The following RIPOR2 variants were observed in gnomAD, a reference collection of about 807,000 sequenced individuals.
RIPOR2 encodes the protein RHO family interacting cell polarization regulator 2.
Under a neutral mutation model 114.5 loss-of-function variants are expected in RIPOR2, and 39 were observed. The observed-to-expected ratio is 0.34, with a 90% CI of 0.26 to 0.44. RIPOR2 has a LOEUF of 0.44. Ranked by LOEUF, RIPOR2 falls within the 20% of genes least tolerant of loss-of-function variation. The pLI, the probability that RIPOR2 is intolerant of heterozygous loss-of-function variation, is 1.00. For missense variants in RIPOR2, 1,007 were observed against 1,255.1 expected, an observed-to-expected ratio of 0.80 and a Z score of 2.99; for synonymous variants, 445 against 484.4, an observed-to-expected ratio of 0.92 and a Z score of 1.07.
chr6:24,916,749 C>T (rs1193772829), intron 1 of RIPOR2, among the ~76,000 whole-genome samples: 1 of 152,210 alleles, frequency 6.6e-6, no homozygotes, highest in Non-Finnish European at 1.5e-5. Context: ...AGGCTATTTC[C>T]TTGCCATTGT....
intron 1 of RIPOR2, among the ~76,000 whole-genome samples, chr6:24,953,605 G>A (rs1772886054): frequency 6.6e-6 from 1 of 152,166 alleles, no homozygotes; most frequent in African/African-American, 2.4e-5. Flanking sequence ...GAAGCAAGAA[G>A]GTCGCTCTCA....
intron 19 of RIPOR2, among the ~76,000 whole-genome samples, chr6:24,821,346 C>T (rs2113650740): frequency 2.0e-5 from 3 of 151,942 alleles, no homozygotes. Flanking sequence ...CCATGCCCAG[C>T]TAATTTTTTG....
intron 13 of RIPOR2, 68 bp from the exon 14 acceptor site, chr6:24,839,340 T>G: frequency 6.8e-7 from 1 of 1,470,922 alleles, no homozygotes. Flanking sequence ...CACACGATGC[T>G]CAATTGGAGA....
chr6:25,016,619 G>C (rs1277841204), intron 1 of RIPOR2, among the ~76,000 whole-genome samples: 1 of 152,210 alleles, frequency 6.6e-6, no homozygotes, highest in Non-Finnish European at 1.5e-5. Flanking sequence ...AGTAACTAGA[G>C]ATGGAGTTAG....
At chr6:24,846,300 C>CTTTTTTTTTTTTTTT (rs1562253042) in intron 12 of RIPOR2, among the ~76,000 whole-genome samples, 1 of 111,320 alleles carries the variant, frequency 9.0e-6, no homozygotes. Context: ...TTTTCACCTG[C>CTTTTTTTTTTTTTTT]CTTTTTTTTT....
intron 1 of RIPOR2, among the ~76,000 whole-genome samples, chr6:24,956,345 A>G (rs940899659): frequency 6.6e-6 from 1 of 152,226 alleles, no homozygotes. Context: ...TTTTTAGGTT[A>G]AAAATAACTT....
intron 1 of RIPOR2, among the ~76,000 whole-genome samples, chr6:24,983,417 A>T (rs1244833526): frequency 2.0e-5 from 3 of 152,154 alleles, no homozygotes; most frequent in Non-Finnish European, 4.4e-5. Flanking sequence ...TATGGCAAAG[A>T]CAGCTAGTTG....
chr6:24,898,158 A>G (rs1442811314), intron 1 of RIPOR2, among the ~76,000 whole-genome samples: 1 of 152,144 alleles, frequency 6.6e-6, no homozygotes, highest in Non-Finnish European at 1.5e-5. Flanking sequence ...CTATTATCCT[A>G]TTATTATCAT....
chr6:24,898,170 A>G (rs568545301), intron 1 of RIPOR2, among the ~76,000 whole-genome samples: 1 of 152,282 alleles, frequency 6.6e-6, no homozygotes, highest in South Asian at 2.1e-4. Context: ...TATTATCATC[A>G]TCATCACTAA....
rs370449774 is a variant in RIPOR2 at position 24,931,724 on chromosome 6, C to T, written c.61+4114G>A. 2.8e-4 allele frequency among the ~76,000 whole-genome samples: 43 copies of T among 152,334 alleles called. 1 individual carries two copies. The South Asian group carries it at 7.5e-3, about 26-fold the overall frequency. Reference sequence around the variant, plus strand: ...ATACAAGAACCTGAGAAATACTTTGCACACTTACTGTGAACTTGGGGTGTT... The same window carrying T: ...ATACAAGAACCTGAGAAATACTTTGTACACTTACTGTGAACTTGGGGTGTT... On this transcript the variant is annotated intron_variant, in intron 1 of 21. Coordinates refer to ENST00000643898, the MANE Select transcript of RIPOR2 (RefSeq NM_001286445.3).
chr6:24,830,374 T>G, intron 17 of RIPOR2, 135 bp downstream of exon 17: 1 of 676,126 alleles, frequency 1.5e-6, no homozygotes, highest in Admixed American at 2.8e-5. Flanking sequence ...AGTACACTTC[T>G]TTTTTCAGGG....
intron 1 of RIPOR2, among the ~76,000 whole-genome samples, chr6:24,894,989 A>G (rs998905346): frequency 1.3e-5 from 2 of 152,166 alleles, no homozygotes; most frequent in Admixed American, 6.5e-5. Context: ...AGAGCCTAAT[A>G]TAATGCACTA....
intron 21 of RIPOR2, among the ~76,000 whole-genome samples, chr6:24,808,825 T>A (rs1288248713): frequency 1.3e-5 from 2 of 151,562 alleles, no homozygotes; most frequent in South Asian, 2.1e-4. Context: ...AGTGGCATGA[T>A]CTCAGCTCAC....
chr6:24,928,980 C>G (rs1362510051), intron 1 of RIPOR2, among the ~76,000 whole-genome samples: 1 of 152,094 alleles, frequency 6.6e-6, no homozygotes, highest in Non-Finnish European at 1.5e-5. Context: ...ATCACTGTGT[C>G]TTTAAGTATC....
At chr6:24,997,174 CT>C (rs1209397847) in intron 1 of RIPOR2, among the ~76,000 whole-genome samples, 1 of 152,204 alleles carries the variant, frequency 6.6e-6, no homozygotes, top group Non-Finnish European at 1.5e-5. Context: ...ATCAGAATCT[CT>C]GTTGGTGGGA....
chr6:24,941,554 T>C (rs1171737751), intron 1 of RIPOR2, among the ~76,000 whole-genome samples: 3 of 152,198 alleles, frequency 2.0e-5, no homozygotes, highest in Admixed American at 1.3e-4. Flanking sequence ...TTCCCACTAA[T>C]TGTCCCAAAT....
intron 1 of RIPOR2, among the ~76,000 whole-genome samples, chr6:24,880,864 A>G (rs1766275125): frequency 6.6e-6 from 1 of 152,156 alleles, no homozygotes; most frequent in Admixed American, 6.5e-5. Context: ...ACTATACCTG[A>G]TATATACTCA....
intron 1 of RIPOR2, among the ~76,000 whole-genome samples, chr6:25,031,726 TATATATATATATATATATATATATAAA>T (rs1403360071): frequency 4.7e-5 from 5 of 106,344 alleles, no homozygotes; most frequent in Non-Finnish European, 7.5e-5. Context: ...TATATATATA[TATATATATATATATATATATATATAAA>T]ATATCCATAG....
chr6:24,876,876 G>C, intron 1 of RIPOR2: 2 of 726,486 alleles, frequency 2.8e-6, no homozygotes, highest in Non-Finnish European at 3.4e-6. Context: ...CCCAGGGCTA[G>C]TTCCCCCAAA....
Sources: gnomAD v4.1 joint callset for allele counts (sites outside exome capture counted in the v4.1 genomes callset) on GRCh38, gnomAD v4.1.1 for gene constraint, MANE v1.5 for transcripts, NCBI Gene and HGNC (gene_info 2026-07-23, HGNC 2026-07-21) for gene names.